The following LRRC4C variants were observed in gnomAD, a reference collection of about 807,000 sequenced individuals.
The protein encoded by LRRC4C is leucine rich repeat containing 4C.
LRRC4C carries 5 observed loss-of-function variants against 33.6 expected under a neutral mutation model. The observed-to-expected ratio is 0.15, with a 90% CI of 0.08 to 0.31. LRRC4C has a LOEUF of 0.31. Ranked by LOEUF, LRRC4C falls within the 10% of genes least tolerant of loss-of-function variation. LRRC4C has a pLI of 1.00. For synonymous variants in LRRC4C, 329 were observed against 302.0 expected (o/e 1.09, Z -0.93); for missense variants, 560 against 796.7 (o/e 0.70, Z 3.58).
intron 1 of LRRC4C, among the ~76,000 whole-genome samples, chr11:41,309,476 A>G (rs1259387859): frequency 6.6e-6 from 1 of 152,142 alleles, no homozygotes; most frequent in Non-Finnish European, 1.5e-5. Context: ...GAGAATAGAG[A>G]AACAGGGGTT....
intron 1 of LRRC4C, among the ~76,000 whole-genome samples, chr11:41,433,443 G>C (rs1955312206): frequency 6.6e-6 from 1 of 152,134 alleles, no homozygotes; most frequent in Admixed American, 6.6e-5. Flanking sequence ...GTTTTAACTT[G>C]ATTGCATTGA....
intron 2 of LRRC4C, among the ~76,000 whole-genome samples, chr11:40,797,127 A>T (rs1215695149): frequency 6.6e-6 from 1 of 152,246 alleles, no homozygotes. Flanking sequence ...ACACATGCTT[A>T]AGAAGGGAGA....
intron 2 of LRRC4C, among the ~76,000 whole-genome samples, chr11:40,731,957 G>A (rs1044522553): frequency 6.6e-6 from 1 of 151,502 alleles, no homozygotes; most frequent in Non-Finnish European, 1.5e-5. Flanking sequence ...TGTTTGCATG[G>A]ACCTTTTTTG....
chr11:41,209,090 C>A (rs2136303839), intron 1 of LRRC4C, among the ~76,000 whole-genome samples: 1 of 151,578 alleles, frequency 6.6e-6, no homozygotes, highest in Non-Finnish European at 1.5e-5. Context: ...AAAAAAAAAC[C>A]CGTTAGGTAC....
At chr11:40,898,082 C>A (rs1197206595) in intron 2 of LRRC4C, among the ~76,000 whole-genome samples, 2 of 151,868 alleles carry the variant, frequency 1.3e-5, no homozygotes, top group Non-Finnish European at 2.9e-5. Context: ...AGGCTGGGTG[C>A]GGTGGCTTAC....
At chr11:41,303,278 G>A (rs554288098) in intron 1 of LRRC4C, among the ~76,000 whole-genome samples, 181 of 143,506 alleles carry the variant, frequency 1.3e-3, no homozygotes, top group African/African-American at 4.2e-3. Flanking sequence ...TGGTGGAGAC[G>A]GGGTTTCGCT....
At chr11:40,414,835 A>C (rs1950269612) in intron 3 of LRRC4C, among the ~76,000 whole-genome samples, 1 of 152,086 alleles carries the variant, frequency 6.6e-6, no homozygotes, top group South Asian at 2.1e-4. Context: ...AAGGGATGGA[A>C]CTCCTATTGA....
At chr11:40,776,773 G>C (rs1591690715) in intron 2 of LRRC4C, among the ~76,000 whole-genome samples, 1 of 151,866 alleles carries the variant, frequency 6.6e-6, no homozygotes, top group East Asian at 1.9e-4. Context: ...TCCTAGCTTT[G>C]GGGTTAGTTT....
At chr11:40,631,300 G>C (rs1458009374) in intron 3 of LRRC4C, among the ~76,000 whole-genome samples, 2 of 152,152 alleles carry the variant, frequency 1.3e-5, no homozygotes, top group African/African-American at 4.8e-5. Flanking sequence ...AATCACACTG[G>C]AGATGTGTCT....
intron 3 of LRRC4C, among the ~76,000 whole-genome samples, chr11:40,531,589 C>T (rs1379445109): frequency 1.3e-5 from 2 of 152,124 alleles, no homozygotes; most frequent in African/African-American, 4.8e-5. Context: ...AGGCCAGCTT[C>T]ACTCTTTCAA....
chr11:40,691,643 AG>A (rs1307025048), intron 2 of LRRC4C, among the ~76,000 whole-genome samples: 1 of 152,134 alleles, frequency 6.6e-6, no homozygotes, highest in Non-Finnish European at 1.5e-5. Flanking sequence ...CTTTGAAGAA[AG>A]TGACTGGAAT....
intron 1 of LRRC4C, among the ~76,000 whole-genome samples, chr11:41,063,704 G>A (rs1304731334): frequency 6.6e-6 from 1 of 152,144 alleles, no homozygotes; most frequent in Non-Finnish European, 1.5e-5. Context: ...TATCCAATAA[G>A]GCCATAGAGT....
intron 3 of LRRC4C, among the ~76,000 whole-genome samples, chr11:40,407,714 T>G (rs1950010925): frequency 1.3e-5 from 2 of 152,110 alleles, no homozygotes; most frequent in African/African-American, 4.8e-5. Flanking sequence ...CTTTTGTATT[T>G]AACCTTGAAA....
intron 3 of LRRC4C, among the ~76,000 whole-genome samples, chr11:40,587,271 CTGTT>C (rs1365585693): frequency 1.4e-5 from 2 of 144,734 alleles, no homozygotes; most frequent in Non-Finnish European, 3.0e-5. Context: ...ATTTGGCTCT[CTGTT>C]TGTCTGTTGT....
At chr11:40,558,485 G>GA (rs1038123391) in intron 3 of LRRC4C, among the ~76,000 whole-genome samples, 1 of 152,074 alleles carries the variant, frequency 6.6e-6, no homozygotes, top group East Asian at 1.9e-4. Flanking sequence ...AATCCCAGAA[G>GA]AAAAATGTTT....
intron 3 of LRRC4C, among the ~76,000 whole-genome samples, chr11:40,503,217 A>G (rs758942017): frequency 2.0e-5 from 3 of 152,230 alleles, no homozygotes; most frequent in Non-Finnish European, 4.4e-5. Context: ...CATTACCTTC[A>G]TGAAGCCTTC....
At chr11:40,349,142 G>T (rs1465910279) in intron 3 of LRRC4C, among the ~76,000 whole-genome samples, 2 of 151,936 alleles carry the variant, frequency 1.3e-5, no homozygotes, top group Admixed American at 6.6e-5. Flanking sequence ...ATCCTGTTGT[G>T]CTATCAAATA....
At chr11:40,997,066 G>A (rs188797668) in intron 1 of LRRC4C, among the ~76,000 whole-genome samples, 33 of 152,190 alleles carry the variant, frequency 2.2e-4, no homozygotes, top group African/African-American at 6.5e-4. Flanking sequence ...GTGAAGATAT[G>A]CAACATAAAA....
intron 3 of LRRC4C, among the ~76,000 whole-genome samples, chr11:40,381,731 A>G (rs1472106331): frequency 2.0e-5 from 3 of 151,832 alleles, no homozygotes; most frequent in Non-Finnish European, 2.9e-5. Context: ...TGCTACCACT[A>G]TATCATTGGC....
Sources: allele counts gnomAD v4.1 joint callset (sites outside exome capture counted in the v4.1 genomes callset), GRCh38; gene constraint gnomAD v4.1.1; transcripts MANE v1.5; gene names NCBI Gene and HGNC (gene_info 2026-07-23, HGNC 2026-07-21).